The following EXOC6 variants were observed in gnomAD, a reference collection of about 807,000 sequenced individuals.
EXOC6 encodes SEC15-like 1.
A neutral mutation model predicts 112.5 loss-of-function variants in EXOC6; 60 were observed. The ratio of observed to expected loss-of-function variants is 0.53; its 90% CI spans 0.43 to 0.66. EXOC6 has a LOEUF of 0.66. Among genes scored for constraint, EXOC6 ranks in the 30% least tolerant of loss-of-function variants. EXOC6 has a pLI of 0.00. For synonymous variants in EXOC6, 295 were observed against 308.0 expected (o/e 0.96, Z 0.44); for missense variants, 855 against 957.1 (o/e 0.89, Z 1.41).
At chr10:92,947,680 C>T (rs1282929162) in intron 13 of EXOC6, among the ~76,000 whole-genome samples, 3 of 152,144 alleles carry the variant, frequency 2.0e-5, no homozygotes, top group African/African-American at 7.2e-5. Flanking sequence ...GAGGCCGAGG[C>T]AGGCAGATCA....
At chr10:92,860,750 C>G (rs1847873549) in intron 1 of EXOC6, among the ~76,000 whole-genome samples, 1 of 152,140 alleles carries the variant, frequency 6.6e-6, no homozygotes, top group Non-Finnish European at 1.5e-5. Flanking sequence ...GCATAATGTC[C>G]TCAAGATTTA....
chr10:92,994,782 T>C (rs1010175945), intron 18 of EXOC6, among the ~76,000 whole-genome samples: 3 of 151,832 alleles, frequency 2.0e-5, no homozygotes, highest in Admixed American at 6.6e-5. Flanking sequence ...ATAATAATAA[T>C]AATAGTGTTC....
intron 1 of EXOC6, among the ~76,000 whole-genome samples, chr10:92,837,691 A>G (rs1846706754): frequency 6.6e-6 from 1 of 152,176 alleles, no homozygotes; most frequent in Non-Finnish European, 1.5e-5. Context: ...CAAAACCAAA[A>G]GAAAACTATA....
At chr10:92,896,197 TTTTTTTTTTTTTTTTTTTTTG>T (rs1849813841) in intron 4 of EXOC6, among the ~76,000 whole-genome samples, 3 of 37,328 alleles carry the variant, frequency 8.0e-5, no homozygotes, top group African/African-American at 4.2e-4. Context: ...TTTTTTTTTT[TTTTTTTTTTTTTTTTTTTTTG>T]GCGGAGTCTC....
At chr10:92,984,891 TGGGAGGCTAA>T (rs1430515952) in intron 18 of EXOC6, among the ~76,000 whole-genome samples, 4 of 152,040 alleles carry the variant, frequency 2.6e-5, no homozygotes, top group Non-Finnish European at 5.9e-5. Context: ...CCCAGCTACT[TGGGAGGCTAA>T]GGTGGGAGGA....
At chr10:92,915,014 C>T (rs1244649000) in intron 6 of EXOC6, among the ~76,000 whole-genome samples, 1 of 152,026 alleles carries the variant, frequency 6.6e-6, no homozygotes, top group Admixed American at 6.5e-5. Flanking sequence ...TGTTTTTTGT[C>T]AATGATCAAT....
chr10:92,913,452 A>C (rs1564825093), intron 6 of EXOC6, among the ~76,000 whole-genome samples: 1 of 152,130 alleles, frequency 6.6e-6, no homozygotes, highest in East Asian at 1.9e-4. Flanking sequence ...CTTAAGTCCA[A>C]GTTCCTCAGT....
chr10:92,898,098 G>A lies in EXOC6; in HGVS notation c.413-1501G>A, dbSNP rs1316680299. ...TGCAGTGCAGTTGCCTAACTCCTCC[G>A]TGGATTAGGAGGAGTATGAAAGGAT... On this transcript the variant is annotated intron_variant, in intron 4 of 21. Transcript: ENST00000260762. 4.6e-5 allele frequency among the ~76,000 whole-genome samples: 7 copies of A among 152,026 alleles called. No individual in the cohort carries two copies. In the East Asian group the frequency reaches 5.8e-4, roughly 13 times the overall value.
At chr10:93,042,667 C>G (rs1396386239) in intron 20 of EXOC6, among the ~76,000 whole-genome samples, 1 of 152,162 alleles carries the variant, frequency 6.6e-6, no homozygotes, top group Non-Finnish European at 1.5e-5. Context: ...GCTACCAGAA[C>G]TGTGAGAAAT....
intron 1 of EXOC6, among the ~76,000 whole-genome samples, chr10:92,878,610 A>G (rs1217002635): frequency 6.6e-6 from 1 of 152,026 alleles, no homozygotes; most frequent in Non-Finnish European, 1.5e-5. Flanking sequence ...CTCTTATCAC[A>G]CATGCATGCC....
intron 1 of EXOC6, among the ~76,000 whole-genome samples, chr10:92,864,347 A>C (rs1848066726): frequency 6.6e-6 from 1 of 152,208 alleles, no homozygotes; most frequent in Non-Finnish European, 1.5e-5. Flanking sequence ...GATATACATC[A>C]TTTTCCAAGT....
At position 92,907,587 on chromosome 10, in the gene EXOC6, G is replaced by A. The variant is rs141950363; in HGVS notation, c.459-1840G>A. On this transcript the variant is annotated intron_variant, in intron 5 of 21. Coordinates refer to ENST00000260762, the MANE Select transcript of EXOC6 (RefSeq NM_019053.6). ...TTTTCATTTATTCTGCATCACTTAG[G>A]ATTTCAAATACATTGTAGACATTAG... 3.0e-3 allele frequency among the ~76,000 whole-genome samples: 461 copies of A among 152,206 alleles called. 3 individuals are homozygous for A. The highest frequency in any genetic ancestry group is 0.015 in the South Asian group (72 of 4,830).
intron 1 of EXOC6, among the ~76,000 whole-genome samples, chr10:92,863,273 G>A (rs1194388786): frequency 6.6e-6 from 1 of 152,172 alleles, no homozygotes; most frequent in African/African-American, 2.4e-5. Flanking sequence ...AAATGTTTGT[G>A]TTAGTACATT....
At chr10:93,002,820 A>G (rs1843816463) in intron 19 of EXOC6, among the ~76,000 whole-genome samples, 1 of 152,162 alleles carries the variant, frequency 6.6e-6, no homozygotes, top group African/African-American at 2.4e-5. Context: ...AGAAAATGAC[A>G]TTACTCGGAT....
intron 19 of EXOC6, among the ~76,000 whole-genome samples, chr10:92,998,817 T>G (rs1279926731): frequency 1.3e-5 from 2 of 152,220 alleles, no homozygotes; most frequent in African/African-American, 2.4e-5. Flanking sequence ...AGAAAACCTT[T>G]ATTATATTTC....
chr10:92,890,697 G>T (rs530034115), intron 1 of EXOC6, among the ~76,000 whole-genome samples: 2 of 152,122 alleles, frequency 1.3e-5, no homozygotes, highest in South Asian at 4.2e-4. Context: ...TCTGTGTCTG[G>T]TCTATCTAGA....
At chr10:92,998,049 C>A (rs1345949421) in intron 19 of EXOC6, among the ~76,000 whole-genome samples, 1 of 152,114 alleles carries the variant, frequency 6.6e-6, no homozygotes, top group Non-Finnish European at 1.5e-5. Context: ...TTTTGTTTCT[C>A]CTTTCCTTAG....
At chr10:92,890,130 C>G (rs548082975) in intron 1 of EXOC6, among the ~76,000 whole-genome samples, 19 of 152,182 alleles carry the variant, frequency 1.2e-4, no homozygotes, top group African/African-American at 4.6e-4. Flanking sequence ...TATTTAGTTC[C>G]TTGATTTTTT....
At chr10:92,841,824 G>A (rs924660108) in intron 1 of EXOC6, among the ~76,000 whole-genome samples, 8 of 152,312 alleles carry the variant, frequency 5.3e-5, no homozygotes, top group Admixed American at 4.6e-4. Flanking sequence ...GCTGTTGAAA[G>A]GATTAGTTGA....
Sources: gnomAD v4.1 joint callset for allele counts (sites outside exome capture counted in the v4.1 genomes callset) on GRCh38, gnomAD v4.1.1 for gene constraint, MANE v1.5 for transcripts, NCBI Gene and HGNC (gene_info 2026-07-23, HGNC 2026-07-21) for gene names.